The following SPAG16 variants were observed in gnomAD, a reference collection of about 807,000 sequenced individuals.
SPAG16 encodes sperm associated antigen 16.
A neutral mutation model predicts 80.4 loss-of-function variants in SPAG16; 86 were observed. The ratio of observed to expected loss-of-function variants is 1.07; its 90% CI spans 0.90 to 1.28. SPAG16 has a LOEUF of 1.28. SPAG16 is among the 50% of genes most tolerant of loss of function. The pLI is 0.00. For missense variants in SPAG16, 870 were observed against 765.3 expected, an observed-to-expected ratio of 1.14 and a Z score of -1.61; for synonymous variants, 294 against 265.9, an observed-to-expected ratio of 1.11 and a Z score of -1.03.
chr2:213,421,745 T>G (rs747571181), intron 9 of SPAG16, among the ~76,000 whole-genome samples: 66 of 152,146 alleles, frequency 4.3e-4, no homozygotes, highest in Non-Finnish European at 8.4e-4. Context: ...GGGAAGGAGC[T>G]ACCCAATTTG....
intron 15 of SPAG16, among the ~76,000 whole-genome samples, chr2:214,314,560 A>G (rs930507536): frequency 6.6e-6 from 1 of 152,168 alleles, no homozygotes; most frequent in Non-Finnish European, 1.5e-5. Context: ...AAACCTTAGG[A>G]AAGTTACTTA....
chr2:214,020,960 G>A (rs1053789068), intron 13 of SPAG16, among the ~76,000 whole-genome samples: 2 of 152,038 alleles, frequency 1.3e-5, no homozygotes, highest in Admixed American at 1.3e-4. Context: ...AGTTTCTTTC[G>A]AAAATGGTGC....
chr2:213,326,908 TATC>T (rs1435075241), intron 5 of SPAG16, among the ~76,000 whole-genome samples: 1 of 152,030 alleles, frequency 6.6e-6, no homozygotes, highest in Non-Finnish European at 1.5e-5. Context: ...ATAATATTCA[TATC>T]ATATTGAAAA....
chr2:213,528,717 G>A (rs1156816587), intron 10 of SPAG16, among the ~76,000 whole-genome samples: 1 of 151,878 alleles, frequency 6.6e-6, no homozygotes, highest in South Asian at 2.1e-4. Context: ...GGCTTCCCTG[G>A]GCCACACTGG....
chr2:213,382,572 ATGT>A (rs2067227372), intron 9 of SPAG16, among the ~76,000 whole-genome samples: 1 of 152,218 alleles, frequency 6.6e-6, no homozygotes, highest in African/African-American at 2.4e-5. Context: ...TATCCTGGAC[ATGT>A]TGTAAACTTT....
intron 11 of SPAG16, among the ~76,000 whole-genome samples, chr2:213,907,765 G>A (rs2077490868): frequency 6.6e-6 from 1 of 152,168 alleles, no homozygotes. Flanking sequence ...AAATAAATAA[G>A]TCAGGCACAG....
chr2:214,066,341 C>G (rs1202540276), intron 13 of SPAG16, among the ~76,000 whole-genome samples: 1 of 152,120 alleles, frequency 6.6e-6, no homozygotes, highest in Non-Finnish European at 1.5e-5. Context: ...TGCTGTAGCT[C>G]TTCCTTTGTT....
intron 13 of SPAG16, among the ~76,000 whole-genome samples, chr2:214,034,560 A>G (rs879761630): frequency 1.3e-5 from 2 of 152,150 alleles, no homozygotes; most frequent in Non-Finnish European, 2.9e-5. Context: ...TGTGAGAGAG[A>G]CAGCATGGGG....
At chr2:214,365,458 A>G (rs1056013173) in intron 15 of SPAG16, among the ~76,000 whole-genome samples, 2 of 152,180 alleles carry the variant, frequency 1.3e-5, no homozygotes, top group African/African-American at 2.4e-5. Flanking sequence ...AAGTACCACT[A>G]CCAGTGAAGT....
chr2:214,198,722 C>A (rs2057919049), intron 15 of SPAG16, among the ~76,000 whole-genome samples: 1 of 151,982 alleles, frequency 6.6e-6, no homozygotes, highest in Admixed American at 6.6e-5. Context: ...ACCAGCAACA[C>A]TGCTGGTGGC....
chr2:214,189,018 A>T (rs1383639455), intron 15 of SPAG16, among the ~76,000 whole-genome samples: 1 of 152,142 alleles, frequency 6.6e-6, no homozygotes, highest in African/African-American at 2.4e-5. Context: ...TTACAAAGGA[A>T]TCGTGGTCTT....
chr2:213,558,864 C>G (rs1559253735), intron 10 of SPAG16, among the ~76,000 whole-genome samples: 1 of 152,038 alleles, frequency 6.6e-6, no homozygotes, highest in Non-Finnish European at 1.5e-5. Context: ...TTTTGCTCTT[C>G]TCTCCTCTCT....
chr2:213,951,355 C>T (rs1220385987), intron 12 of SPAG16, among the ~76,000 whole-genome samples: 1 of 151,998 alleles, frequency 6.6e-6, no homozygotes, highest in Non-Finnish European at 1.5e-5. Context: ...TTTTAAAATT[C>T]ATCTAAGAAT....
rs1297645283 is a variant in SPAG16 at position 214,177,908 on chromosome 2, TATATATAC to T, written c.1720+28650_1720+28657del. On this transcript the variant is annotated intron_variant, in intron 15 of 15. Transcript: ENST00000331683. ...AGCAGAATATATATATACATATATA[TATATATAC>T]ATATATATATATATATATGGCCAGA... Among the ~76,000 whole-genome samples the T allele has an allele frequency of 1.4e-3, 103 of 74,556 alleles. 1 individual carries two copies. The highest frequency in any genetic ancestry group is 9.4e-3 in the African/African-American group (92 of 9,800). 48.9% of individuals were successfully genotyped at this position (74,556 alleles called of 152,430 possible).
At chr2:213,687,790 A>G (rs1394139420) in intron 10 of SPAG16, among the ~76,000 whole-genome samples, 1 of 152,208 alleles carries the variant, frequency 6.6e-6, no homozygotes, top group African/African-American at 2.4e-5. Context: ...GAGAGTATAT[A>G]GTTTTCCTCA....
At chr2:213,885,617 G>A (rs1243065223) in intron 11 of SPAG16, among the ~76,000 whole-genome samples, 2 of 151,984 alleles carry the variant, frequency 1.3e-5, no homozygotes, top group South Asian at 2.1e-4. Context: ...CCATCTTAAG[G>A]CAATGTGATA....
At chr2:214,373,904 C>T (rs1376025974) in intron 15 of SPAG16, among the ~76,000 whole-genome samples, 5 of 152,130 alleles carry the variant, frequency 3.3e-5, no homozygotes, top group South Asian at 2.1e-4. Flanking sequence ...AATCTTTGAG[C>T]GCACACTATG....
At chr2:213,340,304 A>T in intron 6 of SPAG16, 34 bp downstream of exon 6, 1 of 1,375,652 alleles carries the variant, frequency 7.3e-7, no homozygotes. Flanking sequence ...TTTATTAAAG[A>T]GTTATTTAAT....
At chr2:213,855,402 C>G (rs769369809) in intron 10 of SPAG16, among the ~76,000 whole-genome samples, 1 of 152,226 alleles carries the variant, frequency 6.6e-6, no homozygotes, top group African/African-American at 2.4e-5. Context: ...GGGTGGATCA[C>G]TTAACCTCTA....
Sources: gnomAD v4.1 joint callset for allele counts (sites outside exome capture counted in the v4.1 genomes callset) on GRCh38, gnomAD v4.1.1 for gene constraint, MANE v1.5 for transcripts, NCBI Gene and HGNC (gene_info 2026-07-23, HGNC 2026-07-21) for gene names.